The following AATF variants were observed in gnomAD, a reference collection of about 807,000 sequenced individuals.
The protein encoded by AATF is protein AATF.
AATF carries 48 observed loss-of-function variants against 63.7 expected under a neutral mutation model. That is an observed-to-expected ratio of 0.75 (90% CI 0.60 to 0.96). The LOEUF (loss-of-function observed/expected upper bound fraction) is 0.96. AATF is among the 40% of genes least tolerant of loss of function. AATF has a pLI of 0.00. For missense variants in AATF, 639 were observed against 685.7 expected, an observed-to-expected ratio of 0.93 and a Z score of 0.76; for synonymous variants, 258 against 247.7, an observed-to-expected ratio of 1.04 and a Z score of -0.39.
At chr17:36,965,477 A>G (rs2070984250) in intron 4 of AATF, among the ~76,000 whole-genome samples, 3 of 152,200 alleles carry the variant, frequency 2.0e-5, no homozygotes, top group African/African-American at 7.2e-5. Flanking sequence ...TATATCTGCA[A>G]AGTCCTTTTG....
rs995892194 is a variant in AATF, at chr17:36,948,961, C to T, written c.-165C>T. 6.7e-6 allele frequency: 4 copies of T among 597,064 alleles called. No homozygotes were observed. The highest frequency in any genetic ancestry group is 5.9e-5 in the African/African-American group (3 of 50,912). The allele number at this position is 597,064 out of a possible 1,614,324, so 37.0% of individuals were successfully genotyped here. A position where few individuals can be genotyped will look rare whatever the true frequency, so the allele number is the denominator to read the frequency against. On this transcript the variant is annotated 5_prime_UTR_variant, in exon 1 of 12. Coordinates refer to ENST00000619387, the MANE Select transcript of AATF (RefSeq NM_012138.4). ...GGCCCCGCCCCCTCCCGCGCGCCTC[C>T]CGGAAGTGGCCGGTCCAGAGCTGTG...
chr17:37,005,956 T>C (rs971879910), intron 8 of AATF, among the ~76,000 whole-genome samples: 1 of 151,834 alleles, frequency 6.6e-6, no homozygotes, highest in Non-Finnish European at 1.5e-5. Flanking sequence ...AGTGAGACCC[T>C]ATCTCTATAA....
At chr17:37,026,624 G>A (rs922644959) in intron 10 of AATF, among the ~76,000 whole-genome samples, 1 of 152,190 alleles carries the variant, frequency 6.6e-6, no homozygotes, top group Non-Finnish European at 1.5e-5. Context: ...TCATAGAAGT[G>A]ACAATTTTAT....
At chr17:37,001,353 A>G (rs1016227273) in intron 8 of AATF, among the ~76,000 whole-genome samples, 2 of 141,594 alleles carry the variant, frequency 1.4e-5, no homozygotes. Flanking sequence ...GGGAGGGAGG[A>G]AGGAGAAAGA....
intron 8 of AATF, among the ~76,000 whole-genome samples, chr17:36,998,283 T>C (rs1248692717): frequency 6.6e-6 from 1 of 152,190 alleles, no homozygotes; most frequent in Non-Finnish European, 1.5e-5. Context: ...TAAAGTTGGA[T>C]AGCGTCTTTG....
At chr17:37,017,940 C>G (rs1199170021) in intron 8 of AATF, among the ~76,000 whole-genome samples, 1 of 152,170 alleles carries the variant, frequency 6.6e-6, no homozygotes, top group Non-Finnish European at 1.5e-5. Context: ...GATGAAATAT[C>G]TCTATTGCCA....
chr17:36,986,634 G>A lies in AATF; in HGVS notation c.850G>A (p.Ala284Thr). Residue 284 changes from alanine to threonine, a missense_variant, in exon 5 of 12, where the codon GCA becomes ACA. By Grantham distance (58) the Ala-to-Thr change is moderately conservative (BLOSUM62 0). Coordinates refer to ENST00000619387, the MANE Select transcript of AATF (RefSeq NM_012138.4). ...TTTCCCAGGTCACAAGGCACTTAAA[G>A]CATTGTTGAGGTCATTGGTAGGTCT... ...ALKNSHKALK[A>T]LLRSLVGLQE... The A allele has an allele frequency of 6.2e-7, 1 of 1,614,102 alleles. No individual in the cohort carries two copies. Among genetic ancestry groups the A allele is most frequent in the Non-Finnish European group, 8.5e-7 (1 of 1,179,982 alleles).
intron 8 of AATF, among the ~76,000 whole-genome samples, chr17:36,995,473 C>A (rs563515737): frequency 1.4e-4 from 22 of 152,192 alleles, no homozygotes; most frequent in Admixed American, 5.9e-4. Flanking sequence ...GCATTTAGAT[C>A]TTAGTGTGAA....
At chr17:36,969,871 A>G (rs1488080425) in intron 4 of AATF, among the ~76,000 whole-genome samples, 1 of 151,960 alleles carries the variant, frequency 6.6e-6, no homozygotes, top group African/African-American at 2.4e-5. Flanking sequence ...GTTAGTTTGC[A>G]TTTTCTAGAA....
At chr17:36,984,850 C>T (rs1305722204) in intron 4 of AATF, among the ~76,000 whole-genome samples, 1 of 150,672 alleles carries the variant, frequency 6.6e-6, no homozygotes, top group African/African-American at 2.4e-5. Context: ...GTTCAGCAGG[C>T]TGGACTCAAA....
At chr17:36,966,358 G>T (rs1371097141) in intron 4 of AATF, among the ~76,000 whole-genome samples, 1 of 152,008 alleles carries the variant, frequency 6.6e-6, no homozygotes, top group African/African-American at 2.4e-5. Flanking sequence ...TCAGACTCCT[G>T]GGCTCAAGTG....
intron 4 of AATF, among the ~76,000 whole-genome samples, chr17:36,970,181 G>A (rs2071027799): frequency 6.6e-6 from 1 of 152,120 alleles, no homozygotes; most frequent in Non-Finnish European, 1.5e-5. Context: ...GTTTAACTTC[G>A]GAAACTGCCA....
At chr17:37,012,212 C>G (rs2071397392) in intron 8 of AATF, among the ~76,000 whole-genome samples, 2 of 152,192 alleles carry the variant, frequency 1.3e-5, no homozygotes, top group South Asian at 4.1e-4. Flanking sequence ...CGCCACCATG[C>G]CCAGTTAATT....
rs557094901 is a variant in AATF at position 37,005,368 on chromosome 17, G to A, written c.1399-13637G>A. Among the ~76,000 whole-genome samples the A allele has an allele frequency of 1.1e-4, 16 of 152,238 alleles. No homozygotes were observed. In the East Asian group the frequency reaches 2.7e-3, roughly 26 times the overall value. The stretch of plus-strand genomic sequence containing the variant: ...GAGAGAAGTAAGCACAGGAGGAGAG[G>A]AAGAGGGATGCTGAAAAGGTGGCAG... On this transcript the variant is annotated intron_variant, in intron 8 of 11. Transcript: ENST00000619387.
intron 8 of AATF, among the ~76,000 whole-genome samples, chr17:37,012,722 T>G (rs2071401259): frequency 6.6e-6 from 1 of 152,192 alleles, no homozygotes; most frequent in Non-Finnish European, 1.5e-5. Flanking sequence ...ACTTGGTTTT[T>G]CAACAAGGGT....
intron 4 of AATF, among the ~76,000 whole-genome samples, chr17:36,970,611 G>A (rs1440550074): frequency 6.6e-6 from 1 of 150,526 alleles, no homozygotes; most frequent in Non-Finnish European, 1.5e-5. Context: ...GACGATCATG[G>A]CTCACTGCAG....
At chr17:37,034,091 GT>G (rs1406920924) in intron 11 of AATF, among the ~76,000 whole-genome samples, 1 of 152,164 alleles carries the variant, frequency 6.6e-6, no homozygotes, top group Non-Finnish European at 1.5e-5. Flanking sequence ...TCTCCAGCTG[GT>G]TTAGCTACTT....
rs560525426 is a variant in AATF at position 36,988,634 on chromosome 17, C to T, written c.1063C>T (p.Arg355Cys). 21 of 1,614,118 alleles carry T rather than the reference C, an allele frequency of 1.3e-5. No individual in the cohort carries two copies. The highest frequency in any genetic ancestry group is 9.3e-5 in the African/African-American group (7 of 75,028). The change falls in exon 6 of 12, where the codon CGC becomes TGC. Residue 355 changes from arginine (R) to cysteine (C), a missense_variant. Coordinates refer to ENST00000619387, the MANE Select transcript of AATF (RefSeq NM_012138.4). ...MEDYPSFMAK[R>C]FADFTVYRNR... Reference sequence around the variant, plus strand: ...GGACTATCCCAGCTTCATGGCAAAGCGCTTTGCCGACTTTACAGTCTACAG... The same window carrying T: ...GGACTATCCCAGCTTCATGGCAAAGTGCTTTGCCGACTTTACAGTCTACAG...
chr17:36,961,830 G>A (rs189293076), intron 4 of AATF, among the ~76,000 whole-genome samples: 1 of 151,994 alleles, frequency 6.6e-6, no homozygotes, highest in Non-Finnish European at 1.5e-5. Flanking sequence ...ATCCACCACC[G>A]TGCCTGGCTA....
Sources: gnomAD v4.1 joint callset for allele counts (sites outside exome capture counted in the v4.1 genomes callset) on GRCh38, gnomAD v4.1.1 for gene constraint, MANE v1.5 for transcripts, NCBI Gene and HGNC (gene_info 2026-07-23, HGNC 2026-07-21) for gene names.